COL4A6: variants seen among roughly 807,000 people sequenced by gnomAD.
COL4A6 encodes collagen alpha-6(IV) chain.
In COL4A6, 59 loss-of-function variants were observed where a neutral mutation model predicts 126.7. That is an observed-to-expected ratio of 0.47 (90% CI 0.38 to 0.58). COL4A6 has a LOEUF of 0.58. Ranked by LOEUF, COL4A6 falls within the 20% of genes least tolerant of loss-of-function variation. The pLI is 0.00. For missense variants in COL4A6, 1,285 were observed against 1,337.3 expected (o/e 0.96, Z 0.61); for synonymous variants, 547 against 496.6 (o/e 1.10, Z -1.35).
intron 13 of COL4A6, among the ~76,000 whole-genome samples, chrX:108,197,058 A>G (rs2035241439): frequency 8.9e-6 from 1 of 112,121 alleles, no homozygotes; most frequent in African/African-American, 3.2e-5. Flanking sequence ...ACTAGGGGGA[A>G]GAGCAAGAGC....
At chrX:108,221,503 G>T in intron 3 of COL4A6, 129 bp from the exon 4 acceptor site, 1 of 726,124 alleles carries the variant, frequency 1.4e-6, no homozygotes, top group Non-Finnish European at 2.0e-6. Context: ...TGTGAGGCAC[G>T]CCAAAGTTCC....
At chrX:108,393,182 T>A (rs1327582891) in intron 2 of COL4A6, among the ~76,000 whole-genome samples, 1 of 111,973 alleles carries the variant, frequency 8.9e-6, no homozygotes, top group African/African-American at 3.2e-5. Flanking sequence ...TGTACATGAA[T>A]ATTCATAGCA....
At chrX:108,293,171 G>T (rs2038221575) in intron 3 of COL4A6, among the ~76,000 whole-genome samples, 1 of 110,141 alleles carries the variant, frequency 9.1e-6, no homozygotes, top group Non-Finnish European at 1.9e-5. Flanking sequence ...ATGGTTGAGG[G>T]TATGCATATT....
chrX:108,275,023 C>A (rs974327887), intron 3 of COL4A6, among the ~76,000 whole-genome samples: 1 of 110,975 alleles, frequency 9.0e-6, no homozygotes, highest in African/African-American at 3.3e-5. Context: ...TTCCATAGCA[C>A]AGAATTATTT....
At position 108,419,319 on chromosome X, in the gene COL4A6, C is replaced by G. The variant is rs1455552326; in HGVS notation, c.63+18623G>C. Among the ~76,000 whole-genome samples, 10 of 111,544 alleles carry G rather than the reference C, an allele frequency of 9.0e-5. No individual in the cohort carries two copies. The Admixed American group carries it at 9.6e-4, about 11-fold the overall frequency. On this transcript the variant is annotated intron_variant, in intron 2 of 44. Coordinates refer to ENST00000334504, the MANE Select transcript of COL4A6 (RefSeq NM_033641.4). ...AGGTGCAGCAGGGGTGGTGAAAGTTCTTATTTATTTGAGTCTTATAGATAG... is the reference window on the plus strand; with the variant it reads ...AGGTGCAGCAGGGGTGGTGAAAGTTGTTATTTATTTGAGTCTTATAGATAG...
intron 2 of COL4A6, among the ~76,000 whole-genome samples, chrX:108,429,038 A>C (rs187577358): frequency 2.4e-3 from 270 of 112,509 alleles, no homozygotes; most frequent in Non-Finnish European, 4.6e-3. Context: ...AAACAACTTA[A>C]AAGTCTATGG....
intron 3 of COL4A6, among the ~76,000 whole-genome samples, chrX:108,244,180 C>T (rs1316009749): frequency 2.8e-5 from 3 of 108,697 alleles, no homozygotes; most frequent in Non-Finnish European, 3.8e-5. Context: ...TCTGATCACA[C>T]CAAGCAAGGC....
intron 2 of COL4A6, among the ~76,000 whole-genome samples, chrX:108,332,972 C>T (rs1489226436): frequency 9.1e-6 from 1 of 110,341 alleles, no homozygotes; most frequent in Non-Finnish European, 1.9e-5. Flanking sequence ...AGTTTGAGAT[C>T]TTGCATTTAA....
At chrX:108,418,497 G>GA (rs749799325) in intron 2 of COL4A6, among the ~76,000 whole-genome samples, 6 of 109,255 alleles carry the variant, frequency 5.5e-5, no homozygotes, top group African/African-American at 1.7e-4. Context: ...TTTTCCACGA[G>GA]AAAAAAAAAT....
intron 2 of COL4A6, among the ~76,000 whole-genome samples, chrX:108,315,229 A>G (rs2038853518): frequency 1.8e-5 from 2 of 112,051 alleles, no homozygotes; most frequent in Non-Finnish European, 3.8e-5. Flanking sequence ...CTCATTTCAG[A>G]GAATCACTGC....
chrX:108,211,312 A>G (rs998510564), intron 7 of COL4A6, among the ~76,000 whole-genome samples: 1 of 112,231 alleles, frequency 8.9e-6, no homozygotes, highest in African/African-American at 3.2e-5. Flanking sequence ...AGAGACATAC[A>G]TGGCTTCAAA....
At chrX:108,227,557 G>C (rs776692618) in intron 3 of COL4A6, among the ~76,000 whole-genome samples, 13 of 110,275 alleles carry the variant, frequency 1.2e-4, no homozygotes, top group Non-Finnish European at 5.7e-5. Context: ...GGGGCAGGGT[G>C]GGGGGGCTTT....
chrX:108,205,187 A>G (rs772672098), intron 11 of COL4A6, among the ~76,000 whole-genome samples: 5 of 111,390 alleles, frequency 4.5e-5, no homozygotes, highest in African/African-American at 1.6e-4. Flanking sequence ...TGTTTGTAAG[A>G]CATACACCTT....
intron 3 of COL4A6, among the ~76,000 whole-genome samples, chrX:108,276,467 T>C (rs1271817804): frequency 8.9e-6 from 1 of 112,767 alleles, no homozygotes; most frequent in Non-Finnish European, 1.9e-5. Flanking sequence ...GAAATAGTTA[T>C]AGTATTAAGT....
chrX:108,408,955 C>T (rs1225624742), intron 2 of COL4A6, among the ~76,000 whole-genome samples: 1 of 112,023 alleles, frequency 8.9e-6, no homozygotes, highest in African/African-American at 3.2e-5. Context: ...GAGCGACACT[C>T]TGTCTCAAAA....
intron 13 of COL4A6, among the ~76,000 whole-genome samples, chrX:108,198,993 T>C (rs2035307035): frequency 9.0e-6 from 1 of 111,358 alleles, no homozygotes; most frequent in Admixed American, 9.5e-5. Context: ...TGGAAGGACC[T>C]GTGGCCTACA....
chrX:108,400,536 C>T (rs2041063908), intron 2 of COL4A6, among the ~76,000 whole-genome samples: 1 of 111,387 alleles, frequency 9.0e-6, no homozygotes, highest in Non-Finnish European at 1.9e-5. Context: ...AAACTGCTGC[C>T]TCATCTCACC....
rs181821792 is a variant in COL4A6 at position 108,436,180 on chromosome X, T to A, written c.63+1762A>T. ...ACAACAAGTGAAGGAAGTGGCTGTG[T>A]ACTTAAATAAGTCAAAAAATAAAGT... On this transcript the variant is annotated intron_variant, in intron 2 of 44. Transcript: ENST00000334504. 1.7e-4 allele frequency among the ~76,000 whole-genome samples: 19 copies of A among 112,629 alleles called. 1 individual carries two copies. The East Asian group carries it at 4.7e-3, about 28-fold the overall frequency.
At chrX:108,389,147 A>G (rs773016579) in intron 2 of COL4A6, among the ~76,000 whole-genome samples, 29 of 111,896 alleles carry the variant, frequency 2.6e-4, no homozygotes, top group Non-Finnish European at 5.1e-4. Flanking sequence ...TATGTAGTCA[A>G]TTTTAGAATA....
Sources: gnomAD v4.1 joint callset for allele counts (sites outside exome capture counted in the v4.1 genomes callset) on GRCh38, gnomAD v4.1.1 for gene constraint, MANE v1.5 for transcripts, NCBI Gene and HGNC (gene_info 2026-07-23, HGNC 2026-07-21) for gene names.